DMRT1: variants seen among roughly 807,000 people sequenced by gnomAD.
DMRT1 encodes the protein doublesex- and mab-3-related transcription factor 1.
A neutral mutation model predicts 32.3 loss-of-function variants in DMRT1; 7 were observed. The observed-to-expected ratio is 0.22, with a 90% CI of 0.12 to 0.41. DMRT1 has a LOEUF of 0.41. Ranked by LOEUF, DMRT1 falls within the 10% of genes least tolerant of loss-of-function variation. The pLI, the probability that DMRT1 is intolerant of heterozygous loss-of-function variation, is 1.00. For missense variants in DMRT1, 625 were observed against 500.5 expected (o/e 1.25, Z -2.37); for synonymous variants, 278 against 206.1 (o/e 1.35, Z -2.99).
rs143752747 is a variant in DMRT1 at position 874,964 on chromosome 9, C to T, written c.539-18948C>T. Among the ~76,000 whole-genome samples, 905 of 151,926 alleles carry T rather than the reference C, an allele frequency of 6.0e-3. 8 individuals carry two copies. Among genetic ancestry groups the T allele is most frequent in the African/African-American group, 0.021 (865 of 41,428 alleles). On this transcript the variant is annotated intron_variant, in intron 2 of 4. Transcript: ENST00000382276. ...CTGGGACTACGGGTGCCCGCCACCA[C>T]GCCCGGCAAATTTTTTGTATTTTTT... is the stretch of plus-strand genomic sequence containing the variant.
At chr9:872,932 T>G (rs1816335568) in intron 2 of DMRT1, among the ~76,000 whole-genome samples, 1 of 152,206 alleles carries the variant, frequency 6.6e-6, no homozygotes, top group African/African-American at 2.4e-5. Context: ...CTGGGCCAGC[T>G]GATTGGACGA....
At chr9:956,585 CAAAA>C (rs1402258969) in intron 4 of DMRT1, among the ~76,000 whole-genome samples, 1 of 147,396 alleles carries the variant, frequency 6.8e-6, no homozygotes, top group Non-Finnish European at 1.5e-5. Flanking sequence ...AAACAAAAAA[CAAAA>C]AACCCAAAAT....
chr9:961,271 C>T (rs1367743394), intron 4 of DMRT1, among the ~76,000 whole-genome samples: 1 of 152,162 alleles, frequency 6.6e-6, no homozygotes, highest in Non-Finnish European at 1.5e-5. Context: ...CTCTTCTCTC[C>T]TCAGAACGCA....
chr9:958,074 G>T (rs1367924722), intron 4 of DMRT1, among the ~76,000 whole-genome samples: 6 of 152,076 alleles, frequency 3.9e-5, no homozygotes, highest in African/African-American at 1.4e-4. Flanking sequence ...ATTAATGCTG[G>T]TTATAAAGAA....
chr9:870,233 A>T (rs1816178854), intron 2 of DMRT1, among the ~76,000 whole-genome samples: 1 of 152,164 alleles, frequency 6.6e-6, no homozygotes, highest in South Asian at 2.1e-4. Context: ...CCCCGTTTCT[A>T]CTAAAAATAC....
chr9:879,537 ATAGT>A (rs1004043148), intron 2 of DMRT1, among the ~76,000 whole-genome samples: 3 of 152,216 alleles, frequency 2.0e-5, no homozygotes, highest in African/African-American at 7.2e-5. Context: ...CTTCACGTAG[ATAGT>A]TAGAAGAGGG....
chr9:900,951 A>C, intron 3 of DMRT1, among the ~76,000 whole-genome samples: 1 of 151,744 alleles, frequency 6.6e-6, no homozygotes, highest in Non-Finnish European at 1.5e-5. Context: ...CTCAGCCTCT[A>C]GAAGCGCTGG....
At chr9:954,971 G>T (rs746045292) in intron 4 of DMRT1, among the ~76,000 whole-genome samples, 3 of 152,202 alleles carry the variant, frequency 2.0e-5, no homozygotes, top group Non-Finnish European at 2.9e-5. Context: ...CAGACATAGT[G>T]CTCAGTAAGA....
chr9:939,243 A>G (rs1369236984), intron 4 of DMRT1, among the ~76,000 whole-genome samples: 2 of 152,198 alleles, frequency 1.3e-5, no homozygotes, highest in Non-Finnish European at 2.9e-5. Flanking sequence ...CCTCCACTCT[A>G]GAGACCACTT....
intron 3 of DMRT1, among the ~76,000 whole-genome samples, chr9:901,668 G>GTT (rs1405175922): frequency 6.8e-6 from 1 of 146,906 alleles, no homozygotes; most frequent in African/African-American, 2.5e-5. Flanking sequence ...CTTCACATGA[G>GTT]TTTTTTTTTT....
At chr9:847,992 G>C (rs6477301) in intron 2 of DMRT1, among the ~76,000 whole-genome samples, 106,574 of 152,160 alleles carry the variant, frequency 0.7, 38,177 homozygotes, top group Middle Eastern at 0.78. Context: ...CACTGGTCTA[G>C]AATGTGGGAG....
intron 3 of DMRT1, among the ~76,000 whole-genome samples, chr9:906,319 C>T (rs1021666038): frequency 5.9e-5 from 9 of 152,196 alleles, no homozygotes; most frequent in African/African-American, 2.2e-4. Context: ...GTTGCCCTCC[C>T]GGCAGGCTCT....
chr9:951,119 T>C (rs2129954939), intron 4 of DMRT1, among the ~76,000 whole-genome samples: 1 of 152,266 alleles, frequency 6.6e-6, no homozygotes, highest in East Asian at 1.9e-4. Context: ...TATTAAAATT[T>C]CTGACAAATA....
intron 4 of DMRT1, among the ~76,000 whole-genome samples, chr9:922,589 C>G (rs1427220988): frequency 1.3e-5 from 2 of 152,200 alleles, no homozygotes; most frequent in East Asian, 3.9e-4. Context: ...TTGGTCGACA[C>G]CTGCAAAAAG....
At chr9:887,590 G>T (rs1281367834) in intron 2 of DMRT1, among the ~76,000 whole-genome samples, 2 of 152,122 alleles carry the variant, frequency 1.3e-5, no homozygotes, top group Non-Finnish European at 2.9e-5. Flanking sequence ...ACTGTGGCTG[G>T]AGCGCGTCTT....
chr9:961,876 C>G (rs1296464819), intron 4 of DMRT1, among the ~76,000 whole-genome samples: 2 of 152,184 alleles, frequency 1.3e-5, no homozygotes, highest in Admixed American at 1.3e-4. Context: ...GTCATCTTCA[C>G]TACTATCTGT....
chr9:875,461 G>C (rs1046773548), intron 2 of DMRT1, among the ~76,000 whole-genome samples: 1 of 152,170 alleles, frequency 6.6e-6, no homozygotes, highest in African/African-American at 2.4e-5. Context: ...CTGTCACATA[G>C]TTTTTGATAC....
intron 3 of DMRT1, among the ~76,000 whole-genome samples, chr9:909,917 T>C (rs971653749): frequency 6.6e-6 from 1 of 152,198 alleles, no homozygotes; most frequent in Non-Finnish European, 1.5e-5. Context: ...TCTCACCATG[T>C]TGCCCAGACT....
intron 4 of DMRT1, among the ~76,000 whole-genome samples, chr9:922,366 C>T (rs1293606178): frequency 2.0e-5 from 3 of 152,096 alleles, no homozygotes; most frequent in Non-Finnish European, 2.9e-5. Flanking sequence ...GTGGCCACTT[C>T]GTAGTAACAG....
Sources: gnomAD v4.1 joint callset for allele counts (sites outside exome capture counted in the v4.1 genomes callset) on GRCh38, gnomAD v4.1.1 for gene constraint, MANE v1.5 for transcripts, NCBI Gene and HGNC (gene_info 2026-07-23, HGNC 2026-07-21) for gene names.